Variants in MAP7D2 observed in about 807,000 individuals in gnomAD.
MAP7D2 encodes the protein MAP7 domain containing 2.
Under a neutral mutation model 63.5 loss-of-function variants are expected in MAP7D2, and 33 were observed. The ratio of observed to expected loss-of-function variants is 0.52; its 90% CI spans 0.39 to 0.70. MAP7D2 has a LOEUF of 0.70. MAP7D2 is among the 30% of genes least tolerant of loss of function. MAP7D2 has a pLI of 0.00. For synonymous variants in MAP7D2, 224 were observed against 223.7 expected, an observed-to-expected ratio of 1.00 and a Z score of -0.01; for missense variants, 626 against 604.0, an observed-to-expected ratio of 1.04 and a Z score of -0.38.
chrX:20,043,999 A>T (rs1457664134), intron 7 of MAP7D2, among the ~76,000 whole-genome samples: 1 of 111,812 alleles, frequency 8.9e-6, no homozygotes, highest in Non-Finnish European at 1.9e-5. Context: ...TTTGTAGGTA[A>T]AAGTTGACGT....
intron 10 of MAP7D2, among the ~76,000 whole-genome samples, chrX:20,023,442 G>A (rs1043169491): frequency 1.2e-4 from 14 of 112,573 alleles, no homozygotes; most frequent in African/African-American, 4.2e-4. Context: ...AGGCTATGAA[G>A]GAGAGGCCAG....
chrX:20,082,446 A>G (rs1415349457), intron 1 of MAP7D2, among the ~76,000 whole-genome samples: 1 of 111,438 alleles, frequency 9.0e-6, no homozygotes, highest in Non-Finnish European at 1.9e-5. Context: ...TGAAAGTTAG[A>G]ACCCCTGTTC....
At chrX:20,024,124 G>C (rs1342235863) in intron 10 of MAP7D2, among the ~76,000 whole-genome samples, 1 of 112,006 alleles carries the variant, frequency 8.9e-6, no homozygotes, top group Non-Finnish European at 1.9e-5. Context: ...AACAGTATTG[G>C]ATTGTACTCT....
chrX:20,070,296 A>G (rs1323615281), intron 1 of MAP7D2, among the ~76,000 whole-genome samples: 1 of 102,616 alleles, frequency 9.7e-6, no homozygotes, highest in East Asian at 2.9e-4. Flanking sequence ...TTATTTATTT[A>G]TTTATTTGTA....
intron 4 of MAP7D2, among the ~76,000 whole-genome samples, chrX:20,053,267 G>A (rs1383521163): frequency 3.6e-5 from 4 of 112,199 alleles, no homozygotes; most frequent in African/African-American, 6.5e-5. Context: ...AACTGAAGCC[G>A]TGTTAATCCC....
At position 20,098,623 on chromosome X, in the gene MAP7D2, A is replaced by G. The variant is rs770517938; in HGVS notation, c.130+18127T>C. Among the ~76,000 whole-genome samples, 12 of 111,415 alleles carry G rather than the reference A, an allele frequency of 1.1e-4. No homozygotes were observed. In the South Asian group the frequency reaches 1.9e-3, roughly 18 times the overall value. ...AACATAAAGAGCTTCCTGACCCAGG[A>G]GGTGAAGGGTACCCCTCCAGCCCCA... On this transcript the variant is annotated intron_variant, in intron 1 of 16. Coordinates refer to ENST00000379643, the MANE Select transcript of MAP7D2 (RefSeq NM_001168465.2).
intron 8 of MAP7D2, among the ~76,000 whole-genome samples, chrX:20,027,569 C>T (rs919883399): frequency 1.2e-4 from 13 of 110,389 alleles, no homozygotes; most frequent in Non-Finnish European, 1.7e-4. Flanking sequence ...AGCAGCAGTC[C>T]GCTCCCCACG....
At chrX:20,073,733 A>T (rs755983421) in intron 1 of MAP7D2, among the ~76,000 whole-genome samples, 1 of 106,368 alleles carries the variant, frequency 9.4e-6, no homozygotes, top group East Asian at 3.0e-4. Context: ...TCACCGTGTT[A>T]GCCAGGATAG....
At chrX:20,021,389 TG>T (rs752088343) in intron 10 of MAP7D2, 1 of 112,575 alleles carries the variant, frequency 8.9e-6, no homozygotes, top group Non-Finnish European at 1.9e-5. Flanking sequence ...TTATTTTATC[TG>T]GCAACATTTC....
intron 1 of MAP7D2, among the ~76,000 whole-genome samples, chrX:20,095,613 G>T (rs1448502677): frequency 9.1e-6 from 1 of 110,294 alleles, no homozygotes; most frequent in Non-Finnish European, 1.9e-5. Flanking sequence ...TCCACTTTTG[G>T]GTATATATCC....
chrX:20,060,107 C>T (rs188583040), intron 3 of MAP7D2, among the ~76,000 whole-genome samples: 3 of 109,908 alleles, frequency 2.7e-5, no homozygotes, highest in African/African-American at 1.0e-4. Context: ...GCAACCTCCA[C>T]CTCCTAGGTT....
chrX:20,014,751 C>T (rs1373957809), intron 12 of MAP7D2, among the ~76,000 whole-genome samples: 1 of 111,605 alleles, frequency 9.0e-6, no homozygotes. Flanking sequence ...GGTCTCACTC[C>T]TGTTCCCCAG....
At chrX:20,014,560 T>C (rs1158595304) in intron 12 of MAP7D2, among the ~76,000 whole-genome samples, 1 of 110,602 alleles carries the variant, frequency 9.0e-6, no homozygotes, top group Non-Finnish European at 1.9e-5. Context: ...AGAGTGAGAC[T>C]GTCTCAAAAA....
At position 20,006,980 on chromosome X, in the gene MAP7D2, C is replaced by T. The variant is rs1178501493; in HGVS notation, c.*1445G>A. ...GTACAACAAATCACAAGAAAACAGA[C>T]ATTTAGCAAAATAAGGTTCCAGGAA... On this transcript the variant is annotated 3_prime_UTR_variant, in exon 17 of 17. Transcript: ENST00000379643. 8.9e-6 allele frequency: 1 copy of T among 112,235 alleles called. No individual in the cohort carries two copies. Among genetic ancestry groups the T allele is most frequent in the African/African-American group, 3.2e-5 (1 of 30,866 alleles). The allele number at this position is 112,235 out of a possible 1,213,427, so 9.2% of individuals were successfully genotyped here.
rs868781363 is a variant in MAP7D2 at position 20,029,251 on chromosome X, G to C, written c.1008-3299C>G. The stretch of plus-strand genomic sequence containing the variant: ...CACAAGGGTCTCCAGGGCTGGACTG[G>C]GGGGAGTGGGTGGGAGGCCTGAACT... On this transcript the variant is annotated intron_variant, in intron 8 of 16. Coordinates refer to ENST00000379643, the MANE Select transcript of MAP7D2 (RefSeq NM_001168465.2). Among the ~76,000 whole-genome samples, 6 of 112,374 alleles carry C rather than the reference G, an allele frequency of 5.3e-5. No homozygotes were observed. The Admixed American group carries it at 5.6e-4, about 11-fold the overall frequency.
intron 1 of MAP7D2, among the ~76,000 whole-genome samples, chrX:20,070,261 CTTAT>C (rs34768588): frequency 0.056 from 5,772 of 102,969 alleles, 216 homozygotes; most frequent in African/African-American, 0.1. Context: ...CAATTTTTTT[CTTAT>C]TTATTTATTT....
At chrX:20,010,063 GAC>G (rs760249290) in intron 16 of MAP7D2, among the ~76,000 whole-genome samples, 2 of 112,057 alleles carry the variant, frequency 1.8e-5, no homozygotes, top group Non-Finnish European at 3.8e-5. Context: ...AGGATTTGGT[GAC>G]AGACTCTAAT....
chrX:20,050,955 T>C lies in MAP7D2; in HGVS notation c.596-9A>G, dbSNP rs1230283287. 1.8e-6 allele frequency: 2 copies of C among 1,122,345 alleles called. No homozygotes were observed. Among genetic ancestry groups the C allele is most frequent in the Non-Finnish European group, 2.3e-6 (2 of 854,710 alleles). 92.5% of individuals were successfully genotyped at this position (1,122,345 alleles called of 1,213,427 possible). On this transcript the variant is annotated splice_polypyrimidine_tract_variant and intron_variant, in intron 5 of 16. Coordinates refer to ENST00000379643, the MANE Select transcript of MAP7D2 (RefSeq NM_001168465.2). Reference sequence around the variant, plus strand: ...AAGGTGCATGTGATGAGCTGAGGGATGGAATCAAATGAAAATTTTAAAAAG... The same window carrying C: ...AAGGTGCATGTGATGAGCTGAGGGACGGAATCAAATGAAAATTTTAAAAAG...
chrX:20,105,240 C>T (rs1339524137), intron 1 of MAP7D2, among the ~76,000 whole-genome samples: 1 of 111,074 alleles, frequency 9.0e-6, no homozygotes, highest in African/African-American at 3.3e-5. Flanking sequence ...AAGAGAAAAA[C>T]AAGGGTAGGG....
Sources: allele counts gnomAD v4.1 joint callset (sites outside exome capture counted in the v4.1 genomes callset), GRCh38; gene constraint gnomAD v4.1.1; transcripts MANE v1.5; gene names NCBI Gene and HGNC (gene_info 2026-07-23, HGNC 2026-07-21).